Variants in PAK3 observed in about 807,000 individuals in gnomAD.
PAK3 encodes the protein p21 (RAC1) activated kinase 3.
A neutral mutation model predicts 41.0 loss-of-function variants in PAK3; 4 were observed. The ratio of observed to expected loss-of-function variants is 0.10; its 90% CI spans 0.05 to 0.22. The LOEUF is 0.22. PAK3 is among the 10% of genes least tolerant of loss of function. PAK3 has a pLI of 1.00. For missense variants in PAK3, 205 were observed against 409.9 expected (o/e 0.50, Z 4.32); for synonymous variants, 146 against 139.6 (o/e 1.05, Z -0.32).
rs1487377348 is a variant in PAK3 at position 111,035,128 on chromosome X, A to G, written c.-27-87949A>G. On this transcript the variant is annotated intron_variant, in intron 1 of 14. Transcript: ENST00000425146. ...CTCAAAAAAAAAAAAAAAAAAAAAA[A>G]AAAAAAGAAAGAAAGAAAGAAAGAA... Among the ~76,000 whole-genome samples the G allele has an allele frequency of 4.8e-5, 3 of 63,052 alleles. No individual in the cohort carries two copies. The East Asian group carries it at 1.8e-3, about 37-fold the overall frequency. The allele number at this position is 63,052 out of a possible 115,157, so 54.8% of individuals were successfully genotyped here.
At chrX:111,081,352 A>G (rs1603144706) in intron 1 of PAK3, among the ~76,000 whole-genome samples, 1 of 111,054 alleles carries the variant, frequency 9.0e-6, no homozygotes, top group East Asian at 2.8e-4. Flanking sequence ...CTACAAAAAA[A>G]TACAAAAATT....
chrX:111,122,421 G>A (rs2093591641), intron 4 of PAK3, among the ~76,000 whole-genome samples: 1 of 109,582 alleles, frequency 9.1e-6, no homozygotes, highest in South Asian at 4.1e-4. Context: ...CTCGGGAACT[G>A]GCCCTCCAAC....
intron 5 of PAK3, among the ~76,000 whole-genome samples, chrX:111,139,439 G>T (rs1291903053): frequency 2.7e-5 from 3 of 110,843 alleles, no homozygotes; most frequent in Non-Finnish European, 5.6e-5. Context: ...GTTTTTATTT[G>T]AATTGCATAT....
chrX:110,966,459 AAG>A (rs1014061099), intron 1 of PAK3, among the ~76,000 whole-genome samples: 54 of 111,141 alleles, frequency 4.9e-4, no homozygotes, highest in African/African-American at 1.8e-3. Context: ...GTAGGAGAGA[AAG>A]AAAGGAGAGA....
At chrX:111,057,374 T>C (rs2148800781) in intron 1 of PAK3, among the ~76,000 whole-genome samples, 1 of 112,225 alleles carries the variant, frequency 8.9e-6, no homozygotes. Context: ...TAAGGTTCCA[T>C]GTCTGTTTTA....
At chrX:111,203,321 A>G (rs904413239) in intron 16 of PAK3, among the ~76,000 whole-genome samples, 1 of 112,308 alleles carries the variant, frequency 8.9e-6, no homozygotes, top group African/African-American at 3.2e-5. Flanking sequence ...CCAGTTGAGT[A>G]GCACTATCCA....
In PAK3 at chrX:111,103,563, G is replaced by A. The variant is rs1317527095; in HGVS notation, c.-28+257G>A. On this transcript the variant is annotated intron_variant, in intron 4 of 17. Coordinates refer to ENST00000372007, the MANE Select transcript of PAK3 (RefSeq NM_002578.5). ...GAGGAGAAACAACATAACAATCGTT[G>A]CCAAGTCCGTTGCAGATGTCAAGCA... Among the ~76,000 whole-genome samples, 69 of 111,771 alleles carry A rather than the reference G, an allele frequency of 6.2e-4. 1 individual carries two copies. The Admixed American group carries it at 6.4e-3, about 10-fold the overall frequency.
At chrX:111,173,792 G>T (rs914302510) in intron 11 of PAK3, among the ~76,000 whole-genome samples, 4 of 111,623 alleles carry the variant, frequency 3.6e-5, no homozygotes, top group Non-Finnish European at 7.5e-5. Context: ...CACCAGTTCT[G>T]CAAGTCAACT....
chrX:111,094,806 A>C (rs1240956347), upstream of PAK3, among the ~76,000 whole-genome samples: 1 of 105,208 alleles, frequency 9.5e-6, no homozygotes, highest in African/African-American at 3.5e-5. Context: ...CTCCTGTCTC[A>C]GCCTCCCAAG....
intron 17 of PAK3, among the ~76,000 whole-genome samples, chrX:111,219,971 A>T (rs1238378975): frequency 4.5e-5 from 5 of 112,156 alleles, no homozygotes; most frequent in African/African-American, 6.5e-5. Flanking sequence ...GTAGAGGCAC[A>T]GCCGTTGGGT....
chrX:111,006,105 G>C (rs927166442), intron 1 of PAK3, among the ~76,000 whole-genome samples: 21 of 111,602 alleles, frequency 1.9e-4, no homozygotes, highest in Non-Finnish European at 3.6e-4. Context: ...TATATATGCA[G>C]AGTCCCCTCC....
At chrX:111,029,797 C>G (rs1414367688) in intron 1 of PAK3, among the ~76,000 whole-genome samples, 1 of 104,922 alleles carries the variant, frequency 9.5e-6, no homozygotes, top group African/African-American at 3.5e-5. Flanking sequence ...TCAAGGTTTA[C>G]AGCATTGCAC....
At chrX:111,095,430 G>A (rs1011141629), upstream of PAK3, among the ~76,000 whole-genome samples, 2 of 111,616 alleles carry the variant, frequency 1.8e-5, no homozygotes, top group African/African-American at 6.5e-5. Flanking sequence ...TATGGATTTT[G>A]GAGTAGCAAG....
chrX:111,006,849 C>CTTTT (rs1186032934), intron 1 of PAK3, among the ~76,000 whole-genome samples: 6 of 42,689 alleles, frequency 1.4e-4, no homozygotes, highest in Non-Finnish European at 2.2e-4. Context: ...TTCTTTCTTT[C>CTTTT]TTTTTTTTTT....
intron 8 of PAK3, 147 bp from the exon 9 acceptor site, chrX:111,162,768 C>T: frequency 1.7e-6 from 1 of 572,517 alleles, no homozygotes; most frequent in South Asian, 2.5e-5. Flanking sequence ...TCCTGGCCAC[C>T]AAATTGTTGA....
chrX:111,013,044 A>G (rs2092035259), intron 1 of PAK3, among the ~76,000 whole-genome samples: 2 of 112,636 alleles, frequency 1.8e-5, no homozygotes, highest in South Asian at 7.3e-4. Context: ...TCTTGGGATT[A>G]CAGGCGTGAG....
At chrX:111,160,608 C>T (rs866507036) in intron 8 of PAK3, among the ~76,000 whole-genome samples, 1 of 107,758 alleles carries the variant, frequency 9.3e-6, no homozygotes, top group Non-Finnish European at 1.9e-5. Context: ...TAATGCTATC[C>T]CTCCCCGCTC....
At chrX:111,181,479 C>T (rs2094461194) in intron 11 of PAK3, among the ~76,000 whole-genome samples, 1 of 110,659 alleles carries the variant, frequency 9.0e-6, no homozygotes, top group South Asian at 3.8e-4. Flanking sequence ...GCCCTCAGTC[C>T]CCCCCGTCTC....
At chrX:111,127,603 A>G (rs111904771) in intron 5 of PAK3, among the ~76,000 whole-genome samples, 2,580 of 111,306 alleles carry the variant, frequency 0.023, 37 homozygotes, top group Non-Finnish European at 0.039. Context: ...GATTTAGACC[A>G]GGAAAGAGAC....
Sources: gnomAD v4.1 joint callset for allele counts (sites outside exome capture counted in the v4.1 genomes callset) on GRCh38, gnomAD v4.1.1 for gene constraint, MANE v1.5 for transcripts, NCBI Gene and HGNC (gene_info 2026-07-23, HGNC 2026-07-21) for gene names.